Variants in PTPRN2 observed in about 807,000 individuals in gnomAD.
PTPRN2 encodes the protein protein tyrosine phosphatase receptor type N2, also known as receptor-type tyrosine-protein phosphatase N2.
A neutral mutation model predicts 118.8 loss-of-function variants in PTPRN2; 74 were observed. The observed-to-expected ratio is 0.62, with a 90% CI of 0.52 to 0.76. The LOEUF (loss-of-function observed/expected upper bound fraction) is 0.76. PTPRN2 is among the 30% of genes least tolerant of loss of function. The probability of loss-of-function intolerance (pLI) is 0.00; values close to 1 mark genes in which losing one functional copy is unlikely to be tolerated. For missense variants in PTPRN2, 1,481 were observed against 1,394.4 expected, an observed-to-expected ratio of 1.06 and a Z score of -0.99; for synonymous variants, 641 against 608.0, an observed-to-expected ratio of 1.05 and a Z score of -0.80.
intron 2 of PTPRN2, among the ~76,000 whole-genome samples, chr7:158,459,933 A>T (rs1221640632): frequency 4.5e-5 from 4 of 88,870 alleles, no homozygotes; most frequent in Non-Finnish European, 7.3e-5. Context: ...TCTATCTACA[A>T]GTTCCTGCTA....
chr7:157,904,325 C>T (rs1797635361), intron 11 of PTPRN2, among the ~76,000 whole-genome samples: 1 of 152,298 alleles, frequency 6.6e-6, no homozygotes, highest in East Asian at 1.9e-4. Flanking sequence ...CAGGAGGAGT[C>T]AGGGGCTCCG....
At chr7:158,324,726 G>A (rs1803345617) in intron 2 of PTPRN2, among the ~76,000 whole-genome samples, 2 of 151,870 alleles carry the variant, frequency 1.3e-5, no homozygotes, top group Admixed American at 1.3e-4. Flanking sequence ...CCCCCAGAGG[G>A]TCCTGTTGCT....
rs376004463 is a variant in PTPRN2 at position 158,042,052 on chromosome 7, C to T, written c.1723+39246G>A. The stretch of plus-strand genomic sequence containing the variant: ...AAGAAAGATATCTGTATCACAAGAA[C>T]GATCACAGGCCCAGTAGATCGTGCG... On this transcript the variant is annotated intron_variant, in intron 11 of 22. Coordinates refer to ENST00000389418, the MANE Select transcript of PTPRN2 (RefSeq NM_002847.5). Among the ~76,000 whole-genome samples the T allele has an allele frequency of 3.7e-4, 57 of 152,308 alleles. 2 individuals carry two copies. The South Asian group carries it at 0.011, about 30-fold the overall frequency.
intron 2 of PTPRN2, among the ~76,000 whole-genome samples, chr7:158,317,937 G>A (rs768343062): frequency 5.3e-5 from 8 of 152,236 alleles, no homozygotes; most frequent in Non-Finnish European, 1.0e-4. Context: ...CGTCCTGCGG[G>A]TTTCTATGGG....
chr7:158,118,930 T>G (rs577420366), intron 9 of PTPRN2, among the ~76,000 whole-genome samples: 1 of 152,196 alleles, frequency 6.6e-6, no homozygotes, highest in East Asian at 1.9e-4. Flanking sequence ...CTCAAGCTCC[T>G]GGGCTCAAGA....
At chr7:157,757,317 G>A (rs888331325) in intron 12 of PTPRN2, among the ~76,000 whole-genome samples, 2 of 152,028 alleles carry the variant, frequency 1.3e-5, no homozygotes, top group African/African-American at 2.4e-5. Context: ...GCACTGAGCC[G>A]CCTCCTATGG....
chr7:158,069,472 A>G (rs1192448819), intron 11 of PTPRN2, among the ~76,000 whole-genome samples: 1 of 152,164 alleles, frequency 6.6e-6, no homozygotes, highest in African/African-American at 2.4e-5. Context: ...TGCTGGGATG[A>G]CAGGCATGGC....
At chr7:158,156,755 C>T (rs1821857287) in intron 6 of PTPRN2, among the ~76,000 whole-genome samples, 1 of 152,268 alleles carries the variant, frequency 6.6e-6, no homozygotes, top group African/African-American at 2.4e-5. Context: ...CTGCCCTGTG[C>T]CCTCAGAGCG....
At position 157,560,907 on chromosome 7, in the gene PTPRN2, C is replaced by T. The variant is rs1463375242; in HGVS notation, c.2902+7995G>A. ...CTTTCCCAATTCTGCCCAGCCCTCG[C>T]GTCCCCCTAAGTCTCATCTGCAGAA... On this transcript the variant is annotated intron_variant, in intron 21 of 22. Coordinates refer to ENST00000389418, the MANE Select transcript of PTPRN2 (RefSeq NM_002847.5). The surrounding 1 kb of genome is among the most constrained non-coding windows in gnomAD (Gnocchi z 6.7). Among the ~76,000 whole-genome samples the T allele has an allele frequency of 3.3e-5, 5 of 152,184 alleles. No individual in the cohort carries two copies. Among genetic ancestry groups the T allele is most frequent in the African/African-American group, 1.2e-4 (5 of 41,440 alleles).
intron 5 of PTPRN2, among the ~76,000 whole-genome samples, chr7:158,185,690 C>T (rs1041079331): frequency 1.3e-5 from 2 of 152,180 alleles, no homozygotes; most frequent in Non-Finnish European, 2.9e-5. Flanking sequence ...GAGTTTCCAT[C>T]GTACACATTT....
intron 3 of PTPRN2, among the ~76,000 whole-genome samples, chr7:158,206,549 C>G (rs2150750097): frequency 6.6e-6 from 1 of 152,140 alleles, no homozygotes; most frequent in African/African-American, 2.4e-5. Flanking sequence ...CGTCACCCAG[C>G]TCCAGGAAGC....
rs145237254 is a variant in PTPRN2, at chr7:158,492,388, G to C, written c.113-2603C>G. On this transcript the variant is annotated intron_variant, in intron 1 of 22. Coordinates refer to ENST00000389418, the MANE Select transcript of PTPRN2 (RefSeq NM_002847.5). ...AATGGCAGATGACGGAGCTCTGCTA[G>C]GAGAGGCACCGGGAAGAAAGCCCCT... 6.2e-4 allele frequency among the ~76,000 whole-genome samples: 95 copies of C among 152,354 alleles called. 1 individual carries two copies. The highest frequency in any genetic ancestry group is 5.0e-3 in the South Asian group (24 of 4,826).
chr7:158,132,077 G>GAC (rs773917301), intron 9 of PTPRN2, among the ~76,000 whole-genome samples: 7 of 147,682 alleles, frequency 4.7e-5, no homozygotes, highest in African/African-American at 1.0e-4. Flanking sequence ...ACATCTACCT[G>GAC]ACACACACAC....
intron 2 of PTPRN2, among the ~76,000 whole-genome samples, chr7:158,417,110 T>C (rs6978352): frequency 0.44 from 66,292 of 151,456 alleles, 15,195 homozygotes; most frequent in Non-Finnish European, 0.49. Context: ...TGTGGTGTAC[T>C]ACATCAAGAT....
intron 2 of PTPRN2, among the ~76,000 whole-genome samples, chr7:158,420,660 T>C (rs992600285): frequency 6.6e-6 from 1 of 152,212 alleles, no homozygotes; most frequent in African/African-American, 2.4e-5. Flanking sequence ...CTGTGAGCCA[T>C]GCAGATGAGG....
chr7:158,260,306 A>G (rs1044098832), intron 3 of PTPRN2, among the ~76,000 whole-genome samples: 1 of 152,198 alleles, frequency 6.6e-6, no homozygotes, highest in African/African-American at 2.4e-5. Flanking sequence ...AAAAGCTTTC[A>G]TATCAGTGCC....
intron 12 of PTPRN2, among the ~76,000 whole-genome samples, chr7:157,773,278 G>A (rs1054470788): frequency 1.2e-4 from 18 of 152,312 alleles, no homozygotes; most frequent in Admixed American, 7.8e-4. Flanking sequence ...AGCTCTACGC[G>A]GACATTAGAA....
At chr7:157,607,029 G>A (rs1802042231) in intron 15 of PTPRN2, among the ~76,000 whole-genome samples, 1 of 152,206 alleles carries the variant, frequency 6.6e-6, no homozygotes, top group African/African-American at 2.4e-5. Flanking sequence ...AATGCCTCAG[G>A]AATGTCATGA....
At chr7:158,082,013 A>G (rs1281726354) in intron 10 of PTPRN2, among the ~76,000 whole-genome samples, 2 of 152,328 alleles carry the variant, frequency 1.3e-5, no homozygotes, top group East Asian at 1.9e-4. Context: ...CTCAAAATGA[A>G]TTAGGAATCC....
Sources: allele counts gnomAD v4.1 joint callset (sites outside exome capture counted in the v4.1 genomes callset), GRCh38; gene constraint gnomAD v4.1.1; non-coding constraint Gnocchi (gnomAD v3.1); transcripts MANE v1.5; gene names NCBI Gene and HGNC (gene_info 2026-07-23, HGNC 2026-07-21).